ERC2: variants seen among roughly 807,000 people sequenced by gnomAD.
ERC2 encodes ELKS/RAB6-interacting/CAST family member 2, also known as ERC protein 2.
ERC2 carries 42 observed loss-of-function variants against 114.8 expected under a neutral mutation model. The observed-to-expected ratio is 0.37, with a 90% CI of 0.29 to 0.47. ERC2 has a LOEUF of 0.47. Among genes scored for constraint, ERC2 ranks in the 20% least tolerant of loss-of-function variants. The pLI is 0.99. For missense variants in ERC2, 939 were observed against 1,150.7 expected, an observed-to-expected ratio of 0.82 and a Z score of 2.66; for synonymous variants, 454 against 425.5, an observed-to-expected ratio of 1.07 and a Z score of -0.82.
intron 3 of ERC2, among the ~76,000 whole-genome samples, chr3:56,205,455 T>C (rs1031931897): frequency 5.3e-5 from 8 of 152,210 alleles, no homozygotes; most frequent in Non-Finnish European, 1.2e-4. Flanking sequence ...ATCTGATTAA[T>C]GTCTGTCCAA....
chr3:56,468,211 G>C (rs921396878), intron 1 of ERC2, 37 bp downstream of exon 1: 1 of 151,952 alleles, frequency 6.6e-6, no homozygotes, highest in Non-Finnish European at 1.5e-5. Flanking sequence ...AGGGAGCCGG[G>C]CACCAGGCGG....
intron 3 of ERC2, among the ~76,000 whole-genome samples, chr3:56,256,607 G>A (rs139750058): frequency 2.0e-5 from 3 of 151,786 alleles, no homozygotes; most frequent in African/African-American, 7.3e-5. Flanking sequence ...ACCATGATAC[G>A]GTTTAGCTTT....
intron 17 of ERC2, among the ~76,000 whole-genome samples, chr3:55,557,124 A>AGAG (rs1473443482): frequency 6.6e-6 from 1 of 152,226 alleles, no homozygotes; most frequent in African/African-American, 2.4e-5. Context: ...ACAAGGAGTG[A>AGAG]GAGCCTTCTT....
At chr3:56,188,848 C>T (rs906139943) in intron 3 of ERC2, among the ~76,000 whole-genome samples, 2 of 152,168 alleles carry the variant, frequency 1.3e-5, no homozygotes, top group African/African-American at 4.8e-5. Flanking sequence ...GGAAAGTTCT[C>T]TCCTTATAAA....
chr3:56,180,673 T>C (rs557276674), intron 3 of ERC2, among the ~76,000 whole-genome samples: 1 of 152,304 alleles, frequency 6.6e-6, no homozygotes, highest in African/African-American at 2.4e-5. Context: ...TGAGGAGTTG[T>C]ATAATGGGTA....
At chr3:55,856,038 G>A (rs913611122) in intron 14 of ERC2, among the ~76,000 whole-genome samples, 5 of 152,142 alleles carry the variant, frequency 3.3e-5, no homozygotes, top group Admixed American at 1.3e-4. Context: ...TGGAGCTCAG[G>A]CTCTTCTTGG....
chr3:56,054,861 T>C (rs1461979616), intron 7 of ERC2, among the ~76,000 whole-genome samples: 1 of 152,218 alleles, frequency 6.6e-6, no homozygotes, highest in East Asian at 1.9e-4. Flanking sequence ...CCATTTTTAT[T>C]AAGTCATTCA....
intron 2 of ERC2, among the ~76,000 whole-genome samples, chr3:56,388,419 G>A (rs1423059969): frequency 6.6e-6 from 1 of 152,156 alleles, no homozygotes; most frequent in Non-Finnish European, 1.5e-5. Context: ...AGCCATGGTT[G>A]CAAGCTTCCT....
At chr3:55,610,064 C>CAAAAAAAAAAAAAAA (rs36088271) in intron 17 of ERC2, among the ~76,000 whole-genome samples, 4 of 118,702 alleles carry the variant, frequency 3.4e-5, no homozygotes, top group Non-Finnish European at 5.4e-5. Flanking sequence ...CAAACACAAA[C>CAAAAAAAAAAAAAAA]AAAAAAAAAA....
At chr3:55,915,783 A>T (rs1164982090) in intron 13 of ERC2, among the ~76,000 whole-genome samples, 1 of 152,184 alleles carries the variant, frequency 6.6e-6, no homozygotes, top group African/African-American at 2.4e-5. Context: ...GGAGGTGCCT[A>T]TCCAGAGGCT....
At chr3:56,321,575 G>C (rs960307776) in intron 2 of ERC2, among the ~76,000 whole-genome samples, 6 of 152,210 alleles carry the variant, frequency 3.9e-5, no homozygotes, top group Non-Finnish European at 7.3e-5. Context: ...GTAGAGCAAA[G>C]AAAATATTTG....
chr3:56,369,967 G>A (rs1459077140), intron 2 of ERC2, among the ~76,000 whole-genome samples: 7 of 152,172 alleles, frequency 4.6e-5, no homozygotes, highest in Non-Finnish European at 7.3e-5. Context: ...GAGCCACCAC[G>A]CCCGGCCTGG....
chr3:55,822,568 C>CTTTTT (rs202173599), intron 14 of ERC2, among the ~76,000 whole-genome samples: 2 of 137,082 alleles, frequency 1.5e-5, no homozygotes, highest in Non-Finnish European at 3.1e-5. Context: ...TCTTTTTTTT[C>CTTTTT]TTTTTTTTTT....
chr3:55,763,921 T>A (rs548723061), intron 14 of ERC2, among the ~76,000 whole-genome samples: 1 of 152,336 alleles, frequency 6.6e-6, no homozygotes, highest in East Asian at 1.9e-4. Context: ...TGCCTCTTTT[T>A]AAAATAAATG....
chr3:56,045,566 G>A (rs1560081350), intron 7 of ERC2, among the ~76,000 whole-genome samples: 1 of 152,102 alleles, frequency 6.6e-6, no homozygotes, highest in African/African-American at 2.4e-5. Context: ...GCATTCTGAC[G>A]AAAGCCACGG....
intron 14 of ERC2, among the ~76,000 whole-genome samples, chr3:55,871,791 C>T (rs1031253191): frequency 3.9e-5 from 6 of 152,092 alleles, no homozygotes; most frequent in African/African-American, 1.4e-4. Flanking sequence ...CCAAATGGTC[C>T]ATTTTGCTGT....
chr3:55,837,325 T>C (rs1401862340), intron 14 of ERC2, among the ~76,000 whole-genome samples: 2 of 152,128 alleles, frequency 1.3e-5, no homozygotes, highest in South Asian at 2.1e-4. Flanking sequence ...TGCAGCACTA[T>C]TCACAATAGC....
At chr3:56,132,020 C>T (rs73078467) in intron 6 of ERC2, among the ~76,000 whole-genome samples, 65 of 152,324 alleles carry the variant, frequency 4.3e-4, no homozygotes, top group Non-Finnish European at 8.4e-4. Context: ...ACCTTATATG[C>T]TATGGCAAAT....
intron 13 of ERC2, among the ~76,000 whole-genome samples, chr3:55,943,274 T>G (rs192229181): frequency 4.6e-5 from 7 of 152,324 alleles, no homozygotes; most frequent in Admixed American, 4.6e-4. Context: ...TCCTTTTGCT[T>G]TCAATGTTTG....
Sources: allele counts gnomAD v4.1 joint callset (sites outside exome capture counted in the v4.1 genomes callset), GRCh38; gene constraint gnomAD v4.1.1; transcripts MANE v1.5; gene names NCBI Gene and HGNC (gene_info 2026-07-23, HGNC 2026-07-21).